The following MAP3K4 variants were observed in gnomAD, a reference collection of about 807,000 sequenced individuals.
The protein encoded by MAP3K4 is MAP three kinase 1.
In MAP3K4, 67 loss-of-function variants were observed where a neutral mutation model predicts 185.6. The observed-to-expected ratio is 0.36, with a 90% CI of 0.30 to 0.44. MAP3K4 has a LOEUF of 0.44. Ranked by LOEUF, MAP3K4 falls within the 20% of genes least tolerant of loss-of-function variation. MAP3K4 has a pLI of 1.00. For missense variants in MAP3K4, 1,551 were observed against 1,995.1 expected (o/e 0.78, Z 4.24); for synonymous variants, 702 against 710.4 (o/e 0.99, Z 0.19).
chr6:161,097,032 C>T lies in MAP3K4; in HGVS notation c.3428-48C>T, dbSNP rs1777603855. On this transcript the variant is annotated intron_variant, in intron 15 of 26. Coordinates refer to ENST00000392142, the MANE Select transcript of MAP3K4 (RefSeq NM_005922.4). This position sits in a 1 kb window ranked among gnomAD's most constrained non-coding sequence, Gnocchi z 4.9. Reference sequence around the variant, plus strand: ...TTTGACTGTTTGGTTTGATGATTTTCTGTGGACCATATTAACAAGTTGCAT... The same window carrying T: ...TTTGACTGTTTGGTTTGATGATTTTTTGTGGACCATATTAACAAGTTGCAT... 1 of 1,480,098 alleles carries T rather than the reference C, an allele frequency of 6.8e-7. No homozygotes were observed. The highest frequency in any genetic ancestry group is 9.4e-7 in the Non-Finnish European group (1 of 1,058,460). 91.7% of individuals were successfully genotyped at this position (1,480,098 alleles called of 1,614,324 possible). A position where few individuals can be genotyped will look rare whatever the true frequency, so the allele number is the denominator to read the frequency against.
chr6:161,095,225 G>A (rs73784751), intron 15 of MAP3K4, among the ~76,000 whole-genome samples: 73 of 152,148 alleles, frequency 4.8e-4, no homozygotes, highest in African/African-American at 1.7e-3. Context: ...AACTGTCGGG[G>A]GCCTGGACAG....
Position 161,087,675 on chromosome 6 carries a change from A to G in MAP3K4, c.2557-13A>G. ...ACAGTGTTCCTTAAGATTTTGGATT[A>G]TGTCTTTTGCAGGTGCAAATTCCTG... On this transcript the variant is annotated splice_polypyrimidine_tract_variant and intron_variant, in intron 9 of 26. Transcript: ENST00000392142. This position sits in a 1 kb window ranked among gnomAD's most constrained non-coding sequence, Gnocchi z 4.9. 1 of 1,613,334 alleles carries G rather than the reference A, an allele frequency of 6.2e-7. No homozygotes were observed. The highest frequency in any genetic ancestry group is 1.1e-5 in the South Asian group (1 of 91,032).
At chr6:161,005,079 A>C (rs1369963998) in intron 1 of MAP3K4, among the ~76,000 whole-genome samples, 1 of 152,106 alleles carries the variant, frequency 6.6e-6, no homozygotes, top group Non-Finnish European at 1.5e-5. Flanking sequence ...ACCTTCTACA[A>C]CTTTCTGTAT....
chr6:161,111,818 T>C lies in MAP3K4; in HGVS notation c.4397-18T>C, dbSNP rs936108099. 3 of 1,496,674 alleles carry C rather than the reference T, an allele frequency of 2.0e-6. No homozygotes were observed. Among genetic ancestry groups the C allele is most frequent in the Admixed American group, 4.2e-5 (2 of 47,674 alleles). The allele number at this position is 1,496,674 out of a possible 1,614,324, so 92.7% of individuals were successfully genotyped here. On this transcript the variant is annotated intron_variant, in intron 23 of 26. Transcript: ENST00000392142. ...TGTGTTTCAGAGGCTGCGTAACAAC[T>C]ACTTCTTTTCTTTTTAGGTGCCAAT...
intron 19 of MAP3K4, among the ~76,000 whole-genome samples, chr6:161,104,481 A>G (rs1173466742): frequency 6.6e-6 from 1 of 151,868 alleles, no homozygotes; most frequent in East Asian, 1.9e-4. Flanking sequence ...TGGGAGGCCA[A>G]GGCAGGTGGA....
rs375331278 is a variant in MAP3K4, at chr6:161,087,781, G to A, written c.2650G>A (p.Ala884Thr). ...SIILQLLNAA[A>T]GKDCSKDSDD... ...TATTTTGCAGTTACTCAATGCAGCT[G>A]CAGGAAAGGACTGTTCAAAAGATTC... is the stretch of plus-strand genomic sequence containing the variant. The change falls in exon 10 of 27, where the codon GCA becomes ACA. Residue 884 changes from alanine to threonine, a missense_variant. Coordinates refer to ENST00000392142, the MANE Select transcript of MAP3K4 (RefSeq NM_005922.4). The surrounding 1 kb of genome is among the most constrained non-coding windows in gnomAD (Gnocchi z 4.9). The A allele has an allele frequency of 2.6e-5, 42 of 1,614,036 alleles. No individual in the cohort carries two copies. The highest frequency in any genetic ancestry group is 5.3e-5 in the African/African-American group (4 of 74,936).
At position 161,010,360 on chromosome 6, in the gene MAP3K4, A is replaced by G. The variant is rs183405038; in HGVS notation, c.152+18277A>G. 1.6e-4 allele frequency among the ~76,000 whole-genome samples: 25 copies of G among 152,342 alleles called. No individual in the cohort carries two copies. In the East Asian group the frequency reaches 4.8e-3, roughly 29 times the overall value. Reference sequence around the variant, plus strand: ...ACTTTTTTAAAAGTATTTCTTAAATAGTTACATAATAAATAATCTCAAGTA... The same window carrying G: ...ACTTTTTTAAAAGTATTTCTTAAATGGTTACATAATAAATAATCTCAAGTA... On this transcript the variant is annotated intron_variant, in intron 1 of 26. Transcript: ENST00000392142.
chr6:161,027,160 C>G (rs1374661991), intron 1 of MAP3K4, among the ~76,000 whole-genome samples: 1 of 152,176 alleles, frequency 6.6e-6, no homozygotes, highest in East Asian at 1.9e-4. Context: ...CTGATGTTCA[C>G]AGCATCATGA....
rs558878696 is a variant in MAP3K4 at position 161,109,330 on chromosome 6, G to A, written c.4237-425G>A. ...AGAGGATAACTTGGAGCATCGTGGT[G>A]TAGAGCATGAGCTTCCAGGGGAAGT... is the stretch of plus-strand genomic sequence containing the variant. On this transcript the variant is annotated intron_variant, in intron 22 of 26. Coordinates refer to ENST00000392142, the MANE Select transcript of MAP3K4 (RefSeq NM_005922.4). This position sits in a 1 kb window ranked among gnomAD's most constrained non-coding sequence, Gnocchi z 5.7. Among the ~76,000 whole-genome samples the A allele has an allele frequency of 6.6e-6, 1 of 152,260 alleles. No individual in the cohort carries two copies. The highest frequency in any genetic ancestry group is 2.4e-5 in the African/African-American group (1 of 41,530).
chr6:161,019,116 A>G (rs981118279), intron 1 of MAP3K4, among the ~76,000 whole-genome samples: 1 of 152,182 alleles, frequency 6.6e-6, no homozygotes, highest in African/African-American at 2.4e-5. Context: ...AACCGAAAAA[A>G]TTTTTTTAAG....
rs1396358792 is a variant in MAP3K4 at position 160,996,200 on chromosome 6, C to G, written c.152+4117C>G. Among the ~76,000 whole-genome samples the G allele has an allele frequency of 6.6e-6, 1 of 152,146 alleles. No homozygotes were observed. Among genetic ancestry groups the G allele is most frequent in the Non-Finnish European group, 1.5e-5 (1 of 68,038 alleles). ...GGTGTAGCATCAGTGATGGTCATGC[C>G]TTTACACCACTGTAACAGTAGATGC... On this transcript the variant is annotated intron_variant, in intron 1 of 26. Transcript: ENST00000392142. The surrounding 1 kb of genome is among the most constrained non-coding windows in gnomAD (Gnocchi z 4.5).
chr6:160,997,856 A>G (rs1205429821), intron 1 of MAP3K4, among the ~76,000 whole-genome samples: 1 of 152,044 alleles, frequency 6.6e-6, no homozygotes, highest in African/African-American at 2.4e-5. Context: ...GGATTTTTCA[A>G]ATTGGAGCTG....
Position 161,080,836 on chromosome 6 carries a change from CA to C in MAP3K4, c.2098-43del. The stretch of plus-strand genomic sequence containing the variant: ...CTTTCAGGTGAGAGCGCTGAGTTGC[CA>C]AGTTCTACTTTCAAATGTCTCCCTT... On this transcript the variant is annotated intron_variant, in intron 5 of 26. Coordinates refer to ENST00000392142, the MANE Select transcript of MAP3K4 (RefSeq NM_005922.4). This position sits in a 1 kb window ranked among gnomAD's most constrained non-coding sequence, Gnocchi z 4.8. The C allele has an allele frequency of 6.3e-7, 1 of 1,588,256 alleles. No homozygotes were observed. Among genetic ancestry groups the C allele is most frequent in the South Asian group, 1.1e-5 (1 of 88,804 alleles).
chr6:161,034,163 A>C lies in MAP3K4; in HGVS notation c.153-96A>C. ...CAGTGCTGAAGAGATTTTTCTGTAC[A>C]AAAGTTTTACAAAGAATTATTTAAA... is the stretch of plus-strand genomic sequence containing the variant. On this transcript the variant is annotated intron_variant, in intron 1 of 26. Transcript: ENST00000392142. The surrounding 1 kb of genome is among the most constrained non-coding windows in gnomAD (Gnocchi z 4.4). The C allele has an allele frequency of 9.8e-7, 1 of 1,018,388 alleles. No individual in the cohort carries two copies. The highest frequency in any genetic ancestry group is 2.6e-5 in the Admixed American group (1 of 38,532). The allele number at this position is 1,018,388 out of a possible 1,614,324, so 63.1% of individuals were successfully genotyped here. A position where few individuals can be genotyped will look rare whatever the true frequency, so the allele number is the denominator to read the frequency against.
chr6:161,111,173 TTGGCTCTG>T (rs1345534708), intron 23 of MAP3K4, among the ~76,000 whole-genome samples: 3 of 152,216 alleles, frequency 2.0e-5, no homozygotes, highest in African/African-American at 7.2e-5. Flanking sequence ...TCTAACTCCA[TTGGCTCTG>T]TGTTGTTGCT....
intron 3 of MAP3K4, among the ~76,000 whole-genome samples, chr6:161,057,741 ATTAC>A (rs1374045968): frequency 6.6e-6 from 1 of 152,208 alleles, no homozygotes; most frequent in Non-Finnish European, 1.5e-5. Flanking sequence ...GAGTTAACTT[ATTAC>A]TTGTTTCAAT....
Position 161,092,104 on chromosome 6 carries a change from T to C in MAP3K4, c.3230T>C (p.Val1077Ala). 1 of 1,613,944 alleles carries C rather than the reference T, an allele frequency of 6.2e-7. No individual in the cohort carries two copies. Among genetic ancestry groups the C allele is most frequent in the Non-Finnish European group, 8.5e-7 (1 of 1,179,930 alleles). Residue 1077 changes from valine (V) to alanine (A), a missense_variant, in exon 13 of 27, where the codon GTC (valine) becomes GCC (alanine). Transcript: ENST00000392142. ...ISFARKWMNY[V>A]LTKCESGRGT... ...TTTGCCCGGAAGTGGATGAATTATGTCCTGACTAAATGTGAGAGTGGTAGA... is the reference window on the plus strand; with the variant it reads ...TTTGCCCGGAAGTGGATGAATTATGCCCTGACTAAATGTGAGAGTGGTAGA...
At chr6:160,998,051 TAAAG>T (rs987411598) in intron 1 of MAP3K4, among the ~76,000 whole-genome samples, 4 of 152,062 alleles carry the variant, frequency 2.6e-5, no homozygotes, top group African/African-American at 9.7e-5. Flanking sequence ...TAAAAATAAA[TAAAG>T]AGATGGCAGT....
At position 161,087,330 on chromosome 6, in the gene MAP3K4, T is replaced by A. The variant is rs1379885174; in HGVS notation, c.2557-358T>A. Among the ~76,000 whole-genome samples, 1 of 152,220 alleles carries A rather than the reference T, an allele frequency of 6.6e-6. No individual in the cohort carries two copies. The highest frequency in any genetic ancestry group is 1.5e-5 in the Non-Finnish European group (1 of 68,038). ...TCTGTATTAACAATTTTTGCCTTTT[T>A]CCCAAGCCAGGTGACTTTTTGTAAG... is the stretch of plus-strand genomic sequence containing the variant. On this transcript the variant is annotated intron_variant, in intron 9 of 26. Transcript: ENST00000392142. This position sits in a 1 kb window ranked among gnomAD's most constrained non-coding sequence, Gnocchi z 4.9.
Sources: gnomAD v4.1 joint callset for allele counts (sites outside exome capture counted in the v4.1 genomes callset) on GRCh38, gnomAD v4.1.1 for gene constraint, Gnocchi (gnomAD v3.1) non-coding constraint, MANE v1.5 for transcripts, NCBI Gene and HGNC (gene_info 2026-07-23, HGNC 2026-07-21) for gene names.